The following MCF2L variants were observed in gnomAD, a reference collection of about 807,000 sequenced individuals.
MCF2L encodes the protein guanine nucleotide exchange factor DBS.
In MCF2L, 97 loss-of-function variants were observed where a neutral mutation model predicts 153.4. That is an observed-to-expected ratio of 0.63 (90% confidence interval 0.54 to 0.75). The LOEUF is 0.75. MCF2L is among the 30% of genes least tolerant of loss of function. The pLI is 0.00. For missense variants in MCF2L, 1,347 were observed against 1,495.2 expected (o/e 0.90, Z 1.64); for synonymous variants, 659 against 632.2 (o/e 1.04, Z -0.64).
chr13:113,002,154 C>T (rs117736239), intron 1 of MCF2L, among the ~76,000 whole-genome samples: 1,525 of 152,290 alleles, frequency 0.01, 19 homozygotes, highest in Admixed American at 0.016. Flanking sequence ...TGGGTGCCTC[C>T]GAGACCAGAG....
chr13:112,905,456 G>A (rs943813505), intron 2 of MCF2L, among the ~76,000 whole-genome samples: 4 of 152,164 alleles, frequency 2.6e-5, no homozygotes, highest in Non-Finnish European at 5.9e-5. Flanking sequence ...GGAACGGCAC[G>A]AAGTTTGTTT....
At chr13:113,077,892 AG>A (rs1245119458) in intron 13 of MCF2L, among the ~76,000 whole-genome samples, 2 of 152,336 alleles carry the variant, frequency 1.3e-5, no homozygotes, top group Admixed American at 6.5e-5. Flanking sequence ...CCCGGGGGCC[AG>A]GCTCTTGCCT....
rs2081573608 is a variant in MCF2L, at chr13:112,941,382, A to G, written c.169+39011A>G. On this transcript the variant is annotated intron_variant, in intron 2 of 29. Coordinates refer to the MCF2L transcript ENST00000375608. This position sits in a 1 kb window ranked among gnomAD's most constrained non-coding sequence, Gnocchi z 4.9. ...TATCAAAATATATATATTTGAATAT[A>G]TTATATAATTTCTATTTGAAATAAA... is the stretch of plus-strand genomic sequence containing the variant. 6.7e-6 allele frequency among the ~76,000 whole-genome samples: 1 copy of G among 149,996 alleles called. No homozygotes were observed.
intron 2 of MCF2L, chr13:112,902,410 G>T (rs2081128462): frequency 1.3e-6 from 2 of 1,597,526 alleles, no homozygotes; most frequent in South Asian, 1.1e-5. Flanking sequence ...GATTTTGCAG[G>T]TCTCACTGCT....
At chr13:113,066,350 C>T (rs1594910731) in intron 8 of MCF2L, among the ~76,000 whole-genome samples, 180 bp downstream of exon 8, 1 of 152,228 alleles carries the variant, frequency 6.6e-6, no homozygotes, top group East Asian at 1.9e-4. Flanking sequence ...GGGCCTGGCT[C>T]CTCCTGCTGA....
intron 3 of MCF2L, chr13:113,043,613 C>T (rs1033112542): frequency 1.6e-4 from 25 of 152,268 alleles, no homozygotes; most frequent in African/African-American, 6.0e-4. Context: ...AAGTAAGATT[C>T]CCTGTACCCA....
chr13:113,049,622 C>T (rs1046860674), intron 4 of MCF2L, among the ~76,000 whole-genome samples: 3 of 152,160 alleles, frequency 2.0e-5, no homozygotes, highest in Non-Finnish European at 2.9e-5. Flanking sequence ...CCAGGCCAGC[C>T]GAGCCCTCAA....
chr13:112,978,759 T>G (rs2082298449), intron 1 of MCF2L, among the ~76,000 whole-genome samples: 1 of 152,262 alleles, frequency 6.6e-6, no homozygotes, highest in Non-Finnish European at 1.5e-5. Context: ...GCATGTGGGC[T>G]TTCACAAGCA....
At chr13:113,063,779 A>T (rs1431022225) in intron 5 of MCF2L, 2 of 446,290 alleles carry the variant, frequency 4.5e-6, no homozygotes, top group Non-Finnish European at 9.1e-6. Context: ...TGAGTTCAGC[A>T]CACGGCACTG....
Position 113,089,784 on chromosome 13 carries a change from G to A in MCF2L, c.2953+56G>A, listed in dbSNP as rs141805337. 7.3e-4 allele frequency: 1,169 copies of A among 1,598,758 alleles called. 10 individuals are homozygous for A. The African/African-American group carries it at 0.013, about 18-fold the overall frequency. ...GGAGGCCTCACACGGAGCTGCTCACGGAGTGCTCACTGCATCCGAGAAACC... is the reference window on the plus strand; with the variant it reads ...GGAGGCCTCACACGGAGCTGCTCACAGAGTGCTCACTGCATCCGAGAAACC... On this transcript the variant is annotated intron_variant, in intron 26 of 29. Coordinates refer to ENST00000535094, the MANE Select transcript of MCF2L (RefSeq NM_001112732.3).
Position 112,994,455 on chromosome 13 carries a change from G to A in MCF2L, c.80-20308G>A, listed in dbSNP as rs79615369. Among the ~76,000 whole-genome samples, 464 of 152,376 alleles carry A rather than the reference G, an allele frequency of 3.0e-3. 16 individuals carry two copies. In the East Asian group the frequency reaches 0.082, roughly 27 times the overall value. Reference sequence around the variant, plus strand: ...GGCAGGGCTGCCCAGGAGGCTGTCGGTGGGGCAGTTCCTCATGAATCTCTG... The same window carrying A: ...GGCAGGGCTGCCCAGGAGGCTGTCGATGGGGCAGTTCCTCATGAATCTCTG... On this transcript the variant is annotated intron_variant, in intron 1 of 29. Coordinates refer to ENST00000535094, the MANE Select transcript of MCF2L (RefSeq NM_001112732.3).
chr13:113,047,374 T>A (rs2086881477), intron 4 of MCF2L: 1 of 152,204 alleles, frequency 6.6e-6, no homozygotes, highest in South Asian at 2.1e-4. Context: ...TTGTACGTCT[T>A]AAATGAGTTT....
chr13:112,916,304 T>C (rs2081291702), intron 2 of MCF2L, among the ~76,000 whole-genome samples: 1 of 152,224 alleles, frequency 6.6e-6, no homozygotes, highest in African/African-American at 2.4e-5. Context: ...ATTGCTTTTG[T>C]TCCCAGAAGC....
intron 2 of MCF2L, among the ~76,000 whole-genome samples, chr13:113,019,971 G>A (rs1469438832): frequency 3.9e-5 from 6 of 152,260 alleles, no homozygotes; most frequent in East Asian, 1.9e-4. Context: ...GGTTTGTTAC[G>A]GCCGCCCAGA....
chr13:112,968,039 C>G (rs1331206153), upstream of MCF2L: 1 of 219,998 alleles, frequency 4.5e-6, no homozygotes, highest in East Asian at 1.7e-4. Context: ...CAAACCTCAG[C>G]CATATGATGC....
In MCF2L at chr13:113,031,419, C is replaced by T. The variant is rs745899085; in HGVS notation, c.278+6661C>T. 7.2e-5 allele frequency among the ~76,000 whole-genome samples: 11 copies of T among 152,116 alleles called. No homozygotes were observed. The highest frequency in any genetic ancestry group is 2.6e-4 in the Admixed American group (4 of 15,278). On this transcript the variant is annotated intron_variant, in intron 3 of 29. Transcript: ENST00000535094. The surrounding 1 kb of genome is among the most constrained non-coding windows in gnomAD (Gnocchi z 5.5). ...GCGCCAGCGGCATCTTTGGGGGCAG[C>T]GAACGCACCAGGGGGCAGGACAGAG...
At chr13:113,058,864 T>C (rs1419785083) in intron 4 of MCF2L, among the ~76,000 whole-genome samples, 1 of 147,260 alleles carries the variant, frequency 6.8e-6, no homozygotes, top group African/African-American at 2.5e-5. Flanking sequence ...TTGGGTGATG[T>C]GTGGGCGCTG....
chr13:112,978,606 A>G (rs2082293707), intron 1 of MCF2L, among the ~76,000 whole-genome samples: 1 of 152,172 alleles, frequency 6.6e-6, no homozygotes. Context: ...GACCCTCCAT[A>G]CGTTCTGGGA....
chr13:113,070,157 A>C lies in MCF2L; in HGVS notation c.980A>C (p.Glu327Ala). ...LEQCLQLRHF[E>A]QGFREVKAIL... ...CAGTGTCTGCAGCTCCGGCACTTTGAGCAGGGCTTCCGGGAGGTGAGTGGC... is the reference window on the plus strand; with the variant it reads ...CAGTGTCTGCAGCTCCGGCACTTTGCGCAGGGCTTCCGGGAGGTGAGTGGC... Residue 327 changes from glutamate to alanine, a missense_variant, in exon 9 of 30, where the codon GAG becomes GCG. By Grantham distance (107) the Glu-to-Ala change is moderately radical (BLOSUM62 -1). Coordinates refer to ENST00000535094, the MANE Select transcript of MCF2L (RefSeq NM_001112732.3). The surrounding 1 kb of genome is among the most constrained non-coding windows in gnomAD (Gnocchi z 5.6). 1 of 1,600,532 alleles carries C rather than the reference A, an allele frequency of 6.2e-7. No individual in the cohort carries two copies. The highest frequency in any genetic ancestry group is 8.5e-7 in the Non-Finnish European group (1 of 1,175,270).
Sources: allele counts gnomAD v4.1 joint callset (sites outside exome capture counted in the v4.1 genomes callset), GRCh38; gene constraint gnomAD v4.1.1; non-coding constraint Gnocchi (gnomAD v3.1); transcripts MANE v1.5; gene names NCBI Gene and HGNC (gene_info 2026-07-23, HGNC 2026-07-21).